SMYD3: variants seen among roughly 807,000 people sequenced by gnomAD.
The protein encoded by SMYD3 is SET and MYND domain containing 3.
In SMYD3, 36 loss-of-function variants were observed where a neutral mutation model predicts 57.7. The observed-to-expected ratio is 0.62, with a 90% CI of 0.48 to 0.82. SMYD3 has a LOEUF of 0.82. SMYD3 is among the 40% of genes least tolerant of loss of function. SMYD3 has a pLI of 0.00. For synonymous variants in SMYD3, 211 were observed against 195.0 expected, an observed-to-expected ratio of 1.08 and a Z score of -0.68; for missense variants, 515 against 538.8, an observed-to-expected ratio of 0.96 and a Z score of 0.44.
Position 245,844,563 on chromosome 1 carries a change from C to T in SMYD3, c.1076+13933G>A, listed in dbSNP as rs181895597. Among the ~76,000 whole-genome samples the T allele has an allele frequency of 1.5e-4, 22 of 150,968 alleles. No homozygotes were observed. The East Asian group carries it at 2.7e-3, about 19-fold the overall frequency. On this transcript the variant is annotated intron_variant, in intron 10 of 11. Transcript: ENST00000490107. ...GTGTTTAAACAATGTGATCAGGATC[C>T]GGTTTTCCTCTTTCCATTTCTCACC...
intron 1 of SMYD3, among the ~76,000 whole-genome samples, chr1:246,356,748 A>G (rs2065915769): frequency 6.6e-6 from 1 of 152,196 alleles, no homozygotes; most frequent in South Asian, 2.1e-4. Context: ...AGACAAAGAA[A>G]AAAGAATTTT....
chr1:245,760,954 T>C (rs554677581), intron 11 of SMYD3, among the ~76,000 whole-genome samples: 2 of 152,238 alleles, frequency 1.3e-5, no homozygotes, highest in African/African-American at 4.8e-5. Context: ...GTCTATGGGA[T>C]AGCTATCAGC....
chr1:245,913,788 C>G (rs1438058607), intron 8 of SMYD3, among the ~76,000 whole-genome samples: 1 of 152,022 alleles, frequency 6.6e-6, no homozygotes, highest in Non-Finnish European at 1.5e-5. Context: ...AAAAATATCA[C>G]AAATATTCCA....
chr1:245,995,273 T>C (rs1572861505), intron 5 of SMYD3, among the ~76,000 whole-genome samples: 1 of 152,230 alleles, frequency 6.6e-6, no homozygotes, highest in East Asian at 1.9e-4. Context: ...AGCCCTGTGC[T>C]ACACGGAAGT....
At chr1:245,817,287 A>T (rs952569275) in intron 10 of SMYD3, among the ~76,000 whole-genome samples, 14 of 136,932 alleles carry the variant, frequency 1.0e-4, no homozygotes, top group Non-Finnish European at 1.4e-4. Context: ...GCAGGGGCAC[A>T]CTGACACCTC....
chr1:246,158,228 T>TG (rs1490271859), intron 5 of SMYD3, among the ~76,000 whole-genome samples: 1 of 152,188 alleles, frequency 6.6e-6, no homozygotes, highest in African/African-American at 2.4e-5. Flanking sequence ...CCATCATTGG[T>TG]GCAAAATGAA....
At chr1:245,972,654 C>A in intron 5 of SMYD3, among the ~76,000 whole-genome samples, 1 of 152,216 alleles carries the variant, frequency 6.6e-6, no homozygotes, top group East Asian at 1.9e-4. Context: ...TGACTAAGTT[C>A]GCTCCAACTG....
intron 2 of SMYD3, among the ~76,000 whole-genome samples, chr1:246,353,932 A>C (rs2065871858): frequency 6.6e-6 from 1 of 152,226 alleles, no homozygotes; most frequent in Admixed American, 6.5e-5. Flanking sequence ...CAGAATTAGC[A>C]TGAGAACCTG....
At chr1:245,956,132 G>T in intron 5 of SMYD3, 1 of 885,410 alleles carries the variant, frequency 1.1e-6, no homozygotes, top group Non-Finnish European at 1.4e-6. Flanking sequence ...TGCCCAGGCT[G>T]GTCTCAAACT....
intron 5 of SMYD3, among the ~76,000 whole-genome samples, chr1:246,317,053 C>T (rs1439320313): frequency 6.6e-6 from 1 of 151,466 alleles, no homozygotes; most frequent in Non-Finnish European, 1.5e-5. Context: ...CTAAGAATGA[C>T]AGTTTAAAAT....
chr1:245,938,967 G>A (rs1572741887), intron 5 of SMYD3, among the ~76,000 whole-genome samples: 1 of 151,980 alleles, frequency 6.6e-6, no homozygotes, highest in African/African-American at 2.4e-5. Flanking sequence ...CCAACATGGT[G>A]AAACCCTGTC....
intron 1 of SMYD3, among the ~76,000 whole-genome samples, chr1:246,398,195 C>A (rs1014363104): frequency 6.6e-6 from 1 of 152,228 alleles, no homozygotes; most frequent in African/African-American, 2.4e-5. Flanking sequence ...GAATTTCAGG[C>A]TCTTCCCATC....
intron 1 of SMYD3, among the ~76,000 whole-genome samples, chr1:246,437,271 A>C (rs946004286): frequency 5.9e-5 from 9 of 152,152 alleles, no homozygotes; most frequent in Admixed American, 5.9e-4. Context: ...CACCTGGTAG[A>C]GTTTTTGGAG....
chr1:246,373,343 T>C (rs984110746), intron 1 of SMYD3, among the ~76,000 whole-genome samples: 1 of 152,206 alleles, frequency 6.6e-6, no homozygotes, highest in South Asian at 2.1e-4. Context: ...GACAGACAGA[T>C]AGGTATGTCA....
chr1:245,752,539 T>C (rs893421103), intron 11 of SMYD3, among the ~76,000 whole-genome samples: 6 of 152,220 alleles, frequency 3.9e-5, no homozygotes, highest in Non-Finnish European at 7.3e-5. Context: ...TACTACAGGC[T>C]CCAGGCTTCC....
intron 5 of SMYD3, among the ~76,000 whole-genome samples, chr1:245,951,085 T>G (rs1392559361): frequency 6.6e-6 from 1 of 152,108 alleles, no homozygotes; most frequent in Non-Finnish European, 1.5e-5. Flanking sequence ...CACAATGGCA[T>G]TTAGAGAAAC....
intron 5 of SMYD3, among the ~76,000 whole-genome samples, chr1:246,060,041 A>G (rs909078589): frequency 6.6e-6 from 1 of 152,134 alleles, no homozygotes; most frequent in Non-Finnish European, 1.5e-5. Context: ...ATCCCAGCAT[A>G]TTAGGAGGCC....
chr1:246,195,748 TA>T (rs1040240622), intron 5 of SMYD3, among the ~76,000 whole-genome samples: 1 of 152,214 alleles, frequency 6.6e-6, no homozygotes. Flanking sequence ...CAGGTCACTG[TA>T]ATACAACATC....
chr1:245,896,003 A>G (rs2148599006), intron 8 of SMYD3, among the ~76,000 whole-genome samples: 1 of 152,380 alleles, frequency 6.6e-6, no homozygotes, highest in African/African-American at 2.4e-5. Context: ...TCAGGGAATG[A>G]GAAGTTTATT....
Sources: allele counts gnomAD v4.1 joint callset (sites outside exome capture counted in the v4.1 genomes callset), GRCh38; gene constraint gnomAD v4.1.1; transcripts MANE v1.5; gene names NCBI Gene and HGNC (gene_info 2026-07-23, HGNC 2026-07-21).